The following CSMD1 variants were observed in gnomAD, a reference collection of about 807,000 sequenced individuals.
CSMD1 encodes the protein CUB and Sushi multiple domains 1.
A neutral mutation model predicts 417.5 loss-of-function variants in CSMD1; 213 were observed. The observed-to-expected ratio is 0.51, with a 90% CI of 0.46 to 0.57. CSMD1 has a LOEUF of 0.57. CSMD1 is among the 20% of genes least tolerant of loss of function. The pLI is 0.00. For missense variants in CSMD1, 6,923 were observed against 4,529.7 expected (o/e 1.53, Z -15.17); for synonymous variants, 2,862 against 1,736.8 (o/e 1.65, Z -16.11).
chr8:3,398,725 GT>G (rs1811851333), intron 16 of CSMD1, among the ~76,000 whole-genome samples: 1 of 152,096 alleles, frequency 6.6e-6, no homozygotes, highest in Non-Finnish European at 1.5e-5. Context: ...AATCTTTTTA[GT>G]TTTTAATCAT....
intron 5 of CSMD1, among the ~76,000 whole-genome samples, chr8:3,910,636 G>A (rs1808402528): frequency 6.6e-6 from 1 of 152,128 alleles, no homozygotes; most frequent in African/African-American, 2.4e-5. Context: ...AAGCTATTGT[G>A]CTTAATAAGA....
intron 5 of CSMD1, among the ~76,000 whole-genome samples, chr8:3,798,693 T>C (rs1016703750): frequency 1.3e-5 from 2 of 152,136 alleles, no homozygotes; most frequent in Non-Finnish European, 2.9e-5. Flanking sequence ...TAAGTGTATA[T>C]ACACATGTAC....
intron 3 of CSMD1, among the ~76,000 whole-genome samples, chr8:4,213,393 A>G (rs1426805424): frequency 1.3e-5 from 2 of 152,150 alleles, no homozygotes; most frequent in Non-Finnish European, 2.9e-5. Context: ...ACATGCTTCA[A>G]TCCATCCTAA....
intron 3 of CSMD1, among the ~76,000 whole-genome samples, chr8:4,295,595 G>C (rs942371003): frequency 1.4e-5 from 2 of 142,602 alleles, no homozygotes; most frequent in African/African-American, 5.1e-5. Context: ...AAGGGCTTAA[G>C]ATTATATATA....
At chr8:4,755,070 G>A (rs1045755611) in intron 1 of CSMD1, among the ~76,000 whole-genome samples, 5 of 150,922 alleles carry the variant, frequency 3.3e-5, no homozygotes, top group South Asian at 2.1e-4. Context: ...CCCGGGAGGC[G>A]GAAGTTGCAG....
chr8:4,043,537 G>T (rs749409505), intron 3 of CSMD1, among the ~76,000 whole-genome samples: 1 of 152,140 alleles, frequency 6.6e-6, no homozygotes, highest in African/African-American at 2.4e-5. Flanking sequence ...AAAATAATGA[G>T]AAAAGACAAA....
intron 1 of CSMD1, among the ~76,000 whole-genome samples, chr8:4,802,934 G>C (rs944759644): frequency 6.6e-6 from 1 of 152,142 alleles, no homozygotes; most frequent in African/African-American, 2.4e-5. Context: ...GCAGAATAAA[G>C]TGATCTTAGT....
At chr8:3,983,077 GC>G in intron 5 of CSMD1, among the ~76,000 whole-genome samples, 1 of 151,850 alleles carries the variant, frequency 6.6e-6, no homozygotes, top group East Asian at 1.9e-4. Flanking sequence ...TTCCCCAGGA[GC>G]CTCTAATGAT....
chr8:4,218,668 G>C (rs1800836252), intron 3 of CSMD1, among the ~76,000 whole-genome samples: 2 of 152,144 alleles, frequency 1.3e-5, no homozygotes, highest in South Asian at 2.1e-4. Flanking sequence ...ACAGTGGTTA[G>C]GCTCTAAAGC....
At chr8:3,470,149 C>A (rs1585211574) in intron 11 of CSMD1, among the ~76,000 whole-genome samples, 1 of 152,142 alleles carries the variant, frequency 6.6e-6, no homozygotes, top group Non-Finnish European at 1.5e-5. Flanking sequence ...TCCCATCTTG[C>A]CAAACTATCA....
intron 7 of CSMD1, among the ~76,000 whole-genome samples, chr8:3,641,872 T>C (rs970743079): frequency 2.0e-5 from 3 of 152,214 alleles, no homozygotes; most frequent in Non-Finnish European, 4.4e-5. Context: ...GCTAACTTCA[T>C]ATAAGGTTTC....
Position 3,087,131 on chromosome 8 carries a change from C to T in CSMD1, c.7440G>A (p.Met2480Ile). The T allele has an allele frequency of 2.5e-6, 4 of 1,613,678 alleles. No homozygotes were observed. Among genetic ancestry groups the T allele is most frequent in the South Asian group, 1.1e-5 (1 of 91,050 alleles). ...NATCRRNPLG[M>I]YQWDSLTPLC... The stretch of plus-strand genomic sequence containing the variant: ...GTGGCGTGAGGGAGTCCCACTGGTA[C>T]ATGCCAAGTGGGTTTCGTCTACAGG... Residue 2480 changes from methionine (M) to isoleucine (I), a missense_variant, in exon 49 of 70, where the codon ATG (methionine) becomes ATA (isoleucine). Met to Ile is a conservative substitution (Grantham distance 10, BLOSUM62 1). Coordinates refer to ENST00000635120, the MANE Select transcript of CSMD1 (RefSeq NM_033225.6).
chr8:3,875,567 G>T lies in CSMD1; in HGVS notation c.819-121525C>A, dbSNP rs114019422. On this transcript the variant is annotated intron_variant, in intron 5 of 69. Coordinates refer to ENST00000635120, the MANE Select transcript of CSMD1 (RefSeq NM_033225.6). ...AAAGCAGGAGAGGCTCCTTCAGGAG[G>T]AATGTTTTATTGGAGAGGAGTCCCA... 9.3e-4 allele frequency among the ~76,000 whole-genome samples: 142 copies of T among 152,302 alleles called. 1 individual carries two copies. The highest frequency in any genetic ancestry group is 3.2e-3 in the African/African-American group (133 of 41,572).
intron 3 of CSMD1, among the ~76,000 whole-genome samples, chr8:4,344,197 C>T (rs181926767): frequency 4.6e-5 from 7 of 152,180 alleles, no homozygotes; most frequent in Admixed American, 2.6e-4. Context: ...TCTCTGTAAC[C>T]GTCTCCATGG....
At chr8:4,818,263 G>A (rs536451813) in intron 1 of CSMD1, among the ~76,000 whole-genome samples, 8 of 152,096 alleles carry the variant, frequency 5.3e-5, no homozygotes, top group East Asian at 1.9e-4. Context: ...CGATTTTCTC[G>A]TAGGTCACCC....
chr8:4,861,983 G>A (rs984138521), intron 1 of CSMD1, among the ~76,000 whole-genome samples: 1 of 152,030 alleles, frequency 6.6e-6, no homozygotes, highest in Non-Finnish European at 1.5e-5. Context: ...GCATTAACTA[G>A]TATTGAACAT....
intron 2 of CSMD1, among the ~76,000 whole-genome samples, chr8:4,633,634 G>A (rs923725949): frequency 3.9e-5 from 6 of 152,052 alleles, no homozygotes; most frequent in African/African-American, 1.4e-4. Context: ...TGCACTCACT[G>A]CAACCTCCAT....
chr8:3,834,057 C>T (rs1223812153), intron 5 of CSMD1, among the ~76,000 whole-genome samples: 4 of 152,058 alleles, frequency 2.6e-5, no homozygotes, highest in Non-Finnish European at 5.9e-5. Context: ...AAAGTTTGGT[C>T]ACTACTGAAA....
At chr8:4,469,715 C>T (rs1290139067) in intron 2 of CSMD1, among the ~76,000 whole-genome samples, 1 of 152,072 alleles carries the variant, frequency 6.6e-6, no homozygotes, top group Non-Finnish European at 1.5e-5. Flanking sequence ...CCACTTTTGC[C>T]CTTGTCCCTC....
Sources: allele counts gnomAD v4.1 joint callset (sites outside exome capture counted in the v4.1 genomes callset), GRCh38; gene constraint gnomAD v4.1.1; transcripts MANE v1.5; gene names NCBI Gene and HGNC (gene_info 2026-07-23, HGNC 2026-07-21).